The following SSBP2 variants were observed in gnomAD, a reference collection of about 807,000 sequenced individuals.
SSBP2 encodes single-stranded DNA-binding protein 2.
SSBP2 carries 17 observed loss-of-function variants against 61.8 expected under a neutral mutation model. The ratio of observed to expected loss-of-function variants is 0.28; its 90% CI spans 0.19 to 0.41. SSBP2 has a LOEUF of 0.41. Ranked by LOEUF, SSBP2 falls within the 10% of genes least tolerant of loss-of-function variation. The pLI, the probability that SSBP2 is intolerant of heterozygous loss-of-function variation, is 1.00. For missense variants in SSBP2, 310 were observed against 458.7 expected (o/e 0.68, Z 2.96); for synonymous variants, 139 against 141.3 (o/e 0.98, Z 0.12).
intron 1 of SSBP2, among the ~76,000 whole-genome samples, chr5:81,704,479 T>C (rs915674636): frequency 2.6e-5 from 4 of 151,934 alleles, no homozygotes; most frequent in Non-Finnish European, 5.9e-5. Flanking sequence ...ATATACACAA[T>C]ATTATACAAT....
chr5:81,657,933 T>G (rs1025080501), intron 1 of SSBP2, among the ~76,000 whole-genome samples: 5 of 152,104 alleles, frequency 3.3e-5, no homozygotes, highest in African/African-American at 1.2e-4. Context: ...TGTATAAAAT[T>G]TTGTCATATA....
intron 4 of SSBP2, among the ~76,000 whole-genome samples, chr5:81,525,666 T>C (rs1353220737): frequency 6.6e-6 from 1 of 152,012 alleles, no homozygotes; most frequent in Non-Finnish European, 1.5e-5. Context: ...GCATAGTTTT[T>C]CCTACCTGTA....
chr5:81,658,782 A>C (rs2153735243), intron 1 of SSBP2, among the ~76,000 whole-genome samples: 1 of 152,286 alleles, frequency 6.6e-6, no homozygotes, highest in Non-Finnish European at 1.5e-5. Context: ...AAACACTGGC[A>C]AACCGAATCC....
At chr5:81,558,078 C>T (rs552401384) in intron 4 of SSBP2, among the ~76,000 whole-genome samples, 1 of 152,174 alleles carries the variant, frequency 6.6e-6, no homozygotes, top group Admixed American at 6.5e-5. Flanking sequence ...CAAGGCCCTT[C>T]TAAGTATACT....
At chr5:81,562,676 A>G (rs1561542822) in intron 4 of SSBP2, among the ~76,000 whole-genome samples, 1 of 152,198 alleles carries the variant, frequency 6.6e-6, no homozygotes. Flanking sequence ...AACTCCAAAG[A>G]AAGTTTATTA....
At chr5:81,700,671 T>C (rs1753921365) in intron 1 of SSBP2, among the ~76,000 whole-genome samples, 1 of 152,228 alleles carries the variant, frequency 6.6e-6, no homozygotes, top group Non-Finnish European at 1.5e-5. Context: ...TCAATGATCT[T>C]AGATCTTCTG....
At chr5:81,649,427 G>A (rs778312565) in intron 2 of SSBP2, among the ~76,000 whole-genome samples, 1 of 152,000 alleles carries the variant, frequency 6.6e-6, no homozygotes, top group Non-Finnish European at 1.5e-5. Flanking sequence ...ATACACCATG[G>A]AATACTACGC....
chr5:81,613,393 A>T (rs1269191155), intron 4 of SSBP2, among the ~76,000 whole-genome samples: 2 of 152,150 alleles, frequency 1.3e-5, no homozygotes, highest in Non-Finnish European at 2.9e-5. Flanking sequence ...ATTTAAGTGT[A>T]TTTCTAAAGC....
chr5:81,525,479 C>T (rs140980257), intron 4 of SSBP2, among the ~76,000 whole-genome samples: 1 of 152,112 alleles, frequency 6.6e-6, no homozygotes, highest in African/African-American at 2.4e-5. Context: ...TAATGGTCTT[C>T]AGTAGAGCTA....
intron 6 of SSBP2, among the ~76,000 whole-genome samples, chr5:81,484,066 A>G: frequency 6.6e-6 from 1 of 152,070 alleles, no homozygotes; most frequent in East Asian, 1.9e-4. Context: ...TTGTCCACCA[A>G]TGTATCCCCC....
intron 1 of SSBP2, among the ~76,000 whole-genome samples, chr5:81,750,440 CCCTCG>C (rs961978252): frequency 6.9e-6 from 1 of 145,000 alleles, no homozygotes; most frequent in East Asian, 2.0e-4. Flanking sequence ...GGCACCGCCG[CCCTCG>C]CCTCGCCTCG....
At chr5:81,483,224 C>T (rs982370755) in intron 6 of SSBP2, among the ~76,000 whole-genome samples, 1 of 152,068 alleles carries the variant, frequency 6.6e-6, no homozygotes, top group Admixed American at 6.6e-5. Context: ...GACACAGAGA[C>T]ACAAAGTGAG....
intron 9 of SSBP2, 72 bp from the exon 10 acceptor site, chr5:81,461,175 TA>T: frequency 8.2e-7 from 1 of 1,213,634 alleles, no homozygotes; most frequent in South Asian, 1.5e-5. Flanking sequence ...TGACAAATCA[TA>T]AAATATAACA....
At chr5:81,615,190 A>C (rs941435964) in intron 4 of SSBP2, 4 of 230,646 alleles carry the variant, frequency 1.7e-5, no homozygotes, top group Non-Finnish European at 3.3e-5. Context: ...TATATATTTA[A>C]TTTTCATAAA....
At chr5:81,480,674 G>C (rs1281864977) in intron 6 of SSBP2, among the ~76,000 whole-genome samples, 1 of 152,124 alleles carries the variant, frequency 6.6e-6, no homozygotes, top group Non-Finnish European at 1.5e-5. Context: ...CCAAAGTGTT[G>C]GGATTACAGG....
At chr5:81,470,909 G>GA (rs974218491) in intron 8 of SSBP2, among the ~76,000 whole-genome samples, 1 of 151,748 alleles carries the variant, frequency 6.6e-6, no homozygotes, top group Non-Finnish European at 1.5e-5. Context: ...CAGGTCTTAT[G>GA]AAATAAATAC....
At chr5:81,555,679 A>T (rs545270418) in intron 4 of SSBP2, among the ~76,000 whole-genome samples, 2 of 152,070 alleles carry the variant, frequency 1.3e-5, no homozygotes, top group Admixed American at 6.6e-5. Flanking sequence ...ACATAGAACC[A>T]GTAAGAAAAT....
At chr5:81,727,706 C>G (rs1755986430) in intron 1 of SSBP2, among the ~76,000 whole-genome samples, 1 of 152,208 alleles carries the variant, frequency 6.6e-6, no homozygotes, top group African/African-American at 2.4e-5. Context: ...CTTGATAACT[C>G]ATAATTCATT....
Position 81,537,128 on chromosome 5 carries a change from T to C in SSBP2, c.283-23411A>G, listed in dbSNP as rs151242528. Reference sequence around the variant, plus strand: ...CTTTCTCCAAAAAAGTGAGGGATTGTGATTAATATCCTTAACGTGCTCTGA... The same window carrying C: ...CTTTCTCCAAAAAAGTGAGGGATTGCGATTAATATCCTTAACGTGCTCTGA... On this transcript the variant is annotated intron_variant, in intron 4 of 16. Transcript: ENST00000320672. Among the ~76,000 whole-genome samples the C allele has an allele frequency of 2.6e-3, 401 of 152,286 alleles. 1 individual carries two copies. Among genetic ancestry groups the C allele is most frequent in the African/African-American group, 8.6e-3 (357 of 41,566 alleles).
Sources: gnomAD v4.1 joint callset for allele counts (sites outside exome capture counted in the v4.1 genomes callset) on GRCh38, gnomAD v4.1.1 for gene constraint, MANE v1.5 for transcripts, NCBI Gene and HGNC (gene_info 2026-07-23, HGNC 2026-07-21) for gene names.